SLC6A11: variants seen among roughly 807,000 people sequenced by gnomAD.
SLC6A11 encodes solute carrier family 6 member 11.
SLC6A11 carries 25 observed loss-of-function variants against 74.8 expected under a neutral mutation model. The ratio of observed to expected loss-of-function variants is 0.33; its 90% CI spans 0.24 to 0.47. The LOEUF is 0.47. Ranked by LOEUF, SLC6A11 falls within the 20% of genes least tolerant of loss-of-function variation. The pLI is 1.00. For synonymous variants in SLC6A11, 330 were observed against 330.2 expected, an observed-to-expected ratio of 1.00 and a Z score of 0.01; for missense variants, 574 against 837.0, an observed-to-expected ratio of 0.69 and a Z score of 3.88.
chr3:10,917,964 C>T (rs1007841930), intron 7 of SLC6A11, among the ~76,000 whole-genome samples: 2 of 152,222 alleles, frequency 1.3e-5, no homozygotes, highest in African/African-American at 4.8e-5. Flanking sequence ...TTGCTTTGAG[C>T]TCCCAGGAAT....
At position 10,823,375 on chromosome 3, in the gene SLC6A11, T is replaced by C. The variant is rs2106571543; in HGVS notation, c.606T>C (p.Pro202=). The change falls in exon 4 of 14, where the codon CCT becomes CCC. Residue 202 remains proline, a synonymous_variant. Coordinates refer to ENST00000254488, the MANE Select transcript of SLC6A11 (RefSeq NM_014229.3). ...SHVSLQNATS[P]VMEFWEHRVL... The stretch of plus-strand genomic sequence containing the variant: ...TGTCTCTGCAGAATGCCACCTCCCC[T>C]GTCATGGAGTTTTGGGAGTAAGTGG... 6.2e-7 allele frequency: 1 copy of C among 1,612,664 alleles called. No homozygotes were observed. Among genetic ancestry groups the C allele is most frequent in the Non-Finnish European group, 8.5e-7 (1 of 1,178,692 alleles).
chr3:10,933,900 A>C, intron 11 of SLC6A11, 166 bp from the exon 12 acceptor site: 1 of 540,192 alleles, frequency 1.9e-6, no homozygotes, highest in Non-Finnish European at 3.4e-6. Context: ...TTTATTCTGA[A>C]ACCTCACACA....
chr3:10,870,021 C>A (rs1447120858), intron 5 of SLC6A11, among the ~76,000 whole-genome samples: 1 of 152,252 alleles, frequency 6.6e-6, no homozygotes, highest in South Asian at 2.1e-4. Flanking sequence ...AGGGGGCAGA[C>A]AATACCCTCT....
chr3:10,887,370 A>T (rs1695056943), intron 6 of SLC6A11, among the ~76,000 whole-genome samples: 1 of 152,166 alleles, frequency 6.6e-6, no homozygotes, highest in Non-Finnish European at 1.5e-5. Flanking sequence ...AGATAAAGGA[A>T]CATAGACAAT....
chr3:10,891,821 C>T (rs2106615619), intron 6 of SLC6A11, among the ~76,000 whole-genome samples: 1 of 152,320 alleles, frequency 6.6e-6, no homozygotes. Flanking sequence ...GAATCAGGTC[C>T]TGTCTCACTA....
chr3:10,874,462 C>A (rs1694884119), intron 5 of SLC6A11, among the ~76,000 whole-genome samples: 1 of 152,120 alleles, frequency 6.6e-6, no homozygotes, highest in African/African-American at 2.4e-5. Context: ...CCTTTACCCC[C>A]TCTGTGGCCC....
At chr3:10,866,217 A>G (rs1006665525) in intron 5 of SLC6A11, among the ~76,000 whole-genome samples, 1 of 152,242 alleles carries the variant, frequency 6.6e-6, no homozygotes, top group African/African-American at 2.4e-5. Flanking sequence ...CAAGAAAGGA[A>G]GGATGGGTTA....
intron 9 of SLC6A11, 63 bp from the exon 10 acceptor site, chr3:10,929,139 G>T: frequency 6.3e-7 from 1 of 1,585,894 alleles, no homozygotes. Context: ...CGCTTGCCCA[G>T]AGCCTGGGCC....
intron 8 of SLC6A11, among the ~76,000 whole-genome samples, chr3:10,919,576 G>T (rs1695509090): frequency 6.6e-6 from 1 of 152,158 alleles, no homozygotes; most frequent in Non-Finnish European, 1.5e-5. Flanking sequence ...GGGTGTGGAT[G>T]TCAAAGGAGG....
rs180885546 is a variant in SLC6A11 at position 10,873,061 on chromosome 3, C to T, written c.757-1900C>T. Among the ~76,000 whole-genome samples the T allele has an allele frequency of 5.9e-5, 9 of 152,248 alleles. No individual in the cohort carries two copies. In the East Asian group the frequency reaches 1.5e-3, roughly 26 times the overall value. ...AAAGTCAGAACTTGCAGGACACTGA[C>T]TCCTGCAGGGACCTCAGTTAAGGGG... is the stretch of plus-strand genomic sequence containing the variant. On this transcript the variant is annotated intron_variant, in intron 5 of 13. Coordinates refer to ENST00000254488, the MANE Select transcript of SLC6A11 (RefSeq NM_014229.3).
At chr3:10,879,495 T>G (rs941305189) in intron 6 of SLC6A11, among the ~76,000 whole-genome samples, 2 of 152,150 alleles carry the variant, frequency 1.3e-5, no homozygotes, top group Non-Finnish European at 2.9e-5. Flanking sequence ...AGTGGTGATA[T>G]GACCTTGAGG....
chr3:10,822,979 C>G (rs1278441194), intron 3 of SLC6A11, among the ~76,000 whole-genome samples: 1 of 152,098 alleles, frequency 6.6e-6, no homozygotes, highest in Non-Finnish European at 1.5e-5. Flanking sequence ...CAGATAAATG[C>G]TACTGGTGGG....
At chr3:10,854,285 A>T (rs1206931458) in intron 5 of SLC6A11, among the ~76,000 whole-genome samples, 1 of 152,176 alleles carries the variant, frequency 6.6e-6, no homozygotes, top group Non-Finnish European at 1.5e-5. Context: ...GCTACTTGGG[A>T]GGCTGAGGCA....
intron 5 of SLC6A11, among the ~76,000 whole-genome samples, chr3:10,848,178 T>A (rs1413114839): frequency 1.3e-5 from 2 of 152,234 alleles, no homozygotes; most frequent in East Asian, 3.8e-4. Flanking sequence ...GCATTTCACC[T>A]GTTCAGGGAG....
chr3:10,903,678 G>A (rs558770031), intron 6 of SLC6A11, among the ~76,000 whole-genome samples: 7 of 152,300 alleles, frequency 4.6e-5, no homozygotes, highest in Admixed American at 2.6e-4. Flanking sequence ...AATATCCTGG[G>A]AGGGAATGAA....
intron 5 of SLC6A11, among the ~76,000 whole-genome samples, chr3:10,856,835 G>A (rs1476440173): frequency 1.3e-5 from 2 of 152,168 alleles, no homozygotes; most frequent in African/African-American, 4.8e-5. Context: ...CTGTTTCCAC[G>A]GTGACCTTGG....
At chr3:10,873,947 C>CTACGCTACG (rs1694874638) in intron 5 of SLC6A11, among the ~76,000 whole-genome samples, 14 of 149,116 alleles carry the variant, frequency 9.4e-5, no homozygotes, top group Admixed American at 9.2e-4. Flanking sequence ...GCTATGCTAT[C>CTACGCTACG]CTATGCTATG....
intron 13 of SLC6A11, 78 bp from the exon 14 acceptor site, chr3:10,938,172 T>A: frequency 1.5e-6 from 2 of 1,370,514 alleles, no homozygotes; most frequent in Non-Finnish European, 2.0e-6. Flanking sequence ...GTCCGCCGTG[T>A]GCTTGGGAGA....
intron 5 of SLC6A11, among the ~76,000 whole-genome samples, chr3:10,852,264 C>T (rs1292574508): frequency 1.3e-5 from 2 of 152,220 alleles, no homozygotes; most frequent in Non-Finnish European, 2.9e-5. Flanking sequence ...AATGCCTGGG[C>T]GGCCAAACAG....
Sources: gnomAD v4.1 joint callset for allele counts (sites outside exome capture counted in the v4.1 genomes callset) on GRCh38, gnomAD v4.1.1 for gene constraint, MANE v1.5 for transcripts, NCBI Gene and HGNC (gene_info 2026-07-23, HGNC 2026-07-21) for gene names.